Variants in TMEM259 observed in about 807,000 individuals in gnomAD.
TMEM259 encodes transmembrane protein 259, also known as membralin.
A neutral mutation model predicts 46.7 loss-of-function variants in TMEM259; 26 were observed. The observed-to-expected ratio is 0.56, with a 90% CI of 0.41 to 0.77. TMEM259 has a LOEUF of 0.77. Among genes scored for constraint, TMEM259 ranks in the 30% least tolerant of loss-of-function variants. The pLI, the probability that TMEM259 is intolerant of heterozygous loss-of-function variation, is 0.00. For synonymous variants in TMEM259, 494 were observed against 395.1 expected (o/e 1.25, Z -2.97); for missense variants, 930 against 900.5 (o/e 1.03, Z -0.42).
chr19:1,012,566 C>G lies in TMEM259; in HGVS notation c.615G>C (p.Pro205=), dbSNP rs116349199. ...AGTACTCCACGATGTACTCGTCCTG[C>G]GGCCACACTGCAGGGCAGAACCAGG... ...PFPETPTKVW[P]QDEYIVEYSL... is the part of the protein sequence containing the mutation. The change falls in exon 4 of 11, where the codon CCG becomes CCC. Residue 205 remains proline (P), a synonymous_variant. Coordinates refer to ENST00000356663, the MANE Select transcript of TMEM259 (RefSeq NM_001033026.2). The G allele has an allele frequency of 6.3e-7, 1 of 1,581,864 alleles. No homozygotes were observed. Among genetic ancestry groups the G allele is most frequent in the Non-Finnish European group, 8.6e-7 (1 of 1,164,896 alleles).
At chr19:1,019,361 C>G (rs2145616462) in intron 1 of TMEM259, among the ~76,000 whole-genome samples, 1 of 152,370 alleles carries the variant, frequency 6.6e-6, no homozygotes, top group South Asian at 2.1e-4. Flanking sequence ...AAGGAAAACC[C>G]ACGTCCACAG....
intron 1 of TMEM259, among the ~76,000 whole-genome samples, chr19:1,016,097 AGGCTGGCCC>A (rs1223891840): frequency 2.7e-5 from 4 of 150,352 alleles, no homozygotes; most frequent in African/African-American, 9.8e-5. Flanking sequence ...CAGGGGATGA[AGGCTGGCCC>A]GGCGCTGAGA....
At chr19:1,012,653 AG>A in intron 3 of TMEM259, 80 bp from the exon 4 acceptor site, 2 of 1,507,042 alleles carry the variant, frequency 1.3e-6, no homozygotes, top group African/African-American at 1.4e-5. Context: ...GCAGGCGTTG[AG>A]GGGTGGAGGG....
chr19:1,016,532 T>G (rs150622284), intron 1 of TMEM259, among the ~76,000 whole-genome samples: 29 of 152,368 alleles, frequency 1.9e-4, no homozygotes, highest in African/African-American at 7.0e-4. Flanking sequence ...CAATGGACCC[T>G]GTGCCAAGAT....
intron 3 of TMEM259, 115 bp downstream of exon 3, chr19:1,013,126 G>A (rs564859055): frequency 3.0e-5 from 28 of 927,450 alleles, no homozygotes; most frequent in African/African-American, 2.3e-4. Flanking sequence ...TGCCCTCAAC[G>A]GTCCAGGACA....
At position 1,021,035 on chromosome 19, in the gene TMEM259, G is replaced by A; in HGVS notation, c.-39C>T. On this transcript the variant is annotated 5_prime_UTR_variant, in exon 1 of 11. Transcript: ENST00000356663. ...GCGCCCTAACGACCCGCAAGTGTCC[G>A]AGGGCGCCTCCCGGCCGCCATCGGC... 1.5e-6 allele frequency: 2 copies of A among 1,326,650 alleles called. No homozygotes were observed. The highest frequency in any genetic ancestry group is 1.9e-6 in the Non-Finnish European group (2 of 1,028,142). 82.2% of individuals were successfully genotyped at this position (1,326,650 alleles called of 1,614,324 possible).
At chr19:1,016,284 G>A (rs926576413) in intron 1 of TMEM259, among the ~76,000 whole-genome samples, 1 of 152,166 alleles carries the variant, frequency 6.6e-6, no homozygotes, top group Non-Finnish European at 1.5e-5. Flanking sequence ...TGTGGAAGGG[G>A]GGCAGCCCCG....
rs1189869265 is a variant in TMEM259, at chr19:1,011,787, C to T, written c.954G>A (p.Val318=). 1.3e-6 allele frequency: 2 copies of T among 1,573,170 alleles called. No individual in the cohort carries two copies. The highest frequency in any genetic ancestry group is 2.4e-5 in the East Asian group (1 of 42,250). Residue 318 remains valine (V), a synonymous_variant, in exon 7 of 11, where the codon GTG becomes GTA. Coordinates refer to ENST00000356663, the MANE Select transcript of TMEM259 (RefSeq NM_001033026.2). ...GGTGTGAGTACCGCAGCAGCATGGA[C>T]ACGCTCAGCGTCTGCAAGGGGCGCG... The part of the protein sequence containing the change: ...FAIMVIFTLS[V]SMLLRYSHHQ...
In TMEM259 at chr19:1,020,171, C is replaced by G. The variant is rs550233117; in HGVS notation, c.225+601G>C. On this transcript the variant is annotated intron_variant, in intron 1 of 10. Transcript: ENST00000356663. The surrounding 1 kb of genome is among the most constrained non-coding windows in gnomAD (Gnocchi z 4.0). ...TTGCCGCTAACCCTAGCGAGGTGAC[C>G]TCAGCTAAGTCACATTCCCCTGAGG... 7.3e-5 allele frequency among the ~76,000 whole-genome samples: 11 copies of G among 151,594 alleles called. No individual in the cohort carries two copies. The East Asian group carries it at 1.4e-3, about 19-fold the overall frequency.
rs961578826 is a variant in TMEM259 at position 1,010,713 on chromosome 19, G to A, written c.1500C>T (p.Pro500=). Residue 500 remains proline (P), a synonymous_variant, in exon 11 of 11, where the codon CCC becomes CCT. Transcript: ENST00000356663. ...ATAPDSAGQP[P]ALGPVSPGAS... ...CCCCAGGCGAGACGGGGCCCAGGGC[G>A]GGGGGCTGGCCGGCAGAGTCAGGGG... 42 of 1,528,212 alleles carry A rather than the reference G, an allele frequency of 2.7e-5. No individual in the cohort carries two copies. Among genetic ancestry groups the A allele is most frequent in the Non-Finnish European group, 3.1e-5 (36 of 1,143,510 alleles). The allele number at this position is 1,528,212 out of a possible 1,614,324, so 94.7% of individuals were successfully genotyped here.
rs1367871913 is a variant in TMEM259 at position 1,012,663 on chromosome 19, G to A, written c.608-90C>T. The A allele has an allele frequency of 1.5e-5, 22 of 1,489,722 alleles. No homozygotes were observed. The East Asian group carries it at 5.2e-4, about 35-fold the overall frequency. The allele number at this position is 1,489,722 out of a possible 1,614,324, so 92.3% of individuals were successfully genotyped here. ...GCAAGGCAGGCGTTGAGGGGTGGAG[G>A]GTGAGACCTGCTGAGCCCTGGGCCC... On this transcript the variant is annotated intron_variant, in intron 3 of 10. Coordinates refer to ENST00000356663, the MANE Select transcript of TMEM259 (RefSeq NM_001033026.2).
rs770418180 is a variant in TMEM259 at position 1,016,530 on chromosome 19, C to G, written c.226-2057G>C. ...AGCTGTGCCCAGGACAGCAATGGACCCTGTGCCAAGATGTTCCAAAAAGTG... is the reference window on the plus strand; with the variant it reads ...AGCTGTGCCCAGGACAGCAATGGACGCTGTGCCAAGATGTTCCAAAAAGTG... On this transcript the variant is annotated intron_variant, in intron 1 of 10. Transcript: ENST00000356663. Among the ~76,000 whole-genome samples the G allele has an allele frequency of 1.7e-4, 26 of 152,330 alleles. No homozygotes were observed. The Middle Eastern group carries it at 0.01, about 60-fold the overall frequency.
intron 1 of TMEM259, 89 bp from the exon 2 acceptor site, chr19:1,014,562 GCT>G: frequency 1.4e-6 from 2 of 1,380,306 alleles, no homozygotes; most frequent in Admixed American, 2.3e-5. Context: ...GATGGGGCGC[GCT>G]GGGACGCCCA....
At position 1,012,580 on chromosome 19, in the gene TMEM259, G is replaced by A. The variant is rs760093321; in HGVS notation, c.608-7C>T. On this transcript the variant is annotated splice_region_variant and splice_polypyrimidine_tract_variant and intron_variant, in intron 3 of 10. Transcript: ENST00000356663. The stretch of plus-strand genomic sequence containing the variant: ...TACTCGTCCTGCGGCCACACTGCAG[G>A]GCAGAACCAGGGACCAGGTCAGCGC... 9 of 1,569,434 alleles carry A rather than the reference G, an allele frequency of 5.7e-6. No homozygotes were observed. The South Asian group carries it at 1.1e-4, about 18-fold the overall frequency.
At chr19:1,014,958 C>G (rs1268187073) in intron 1 of TMEM259, among the ~76,000 whole-genome samples, 1 of 152,172 alleles carries the variant, frequency 6.6e-6, no homozygotes, top group Non-Finnish European at 1.5e-5. Context: ...ATGGGTGTTG[C>G]CGCCACCCCA....
chr19:1,014,343 G>C lies in TMEM259; in HGVS notation c.356C>G (p.Ser119Trp). 6.2e-7 allele frequency: 1 copy of C among 1,612,974 alleles called. No individual in the cohort carries two copies. Among genetic ancestry groups the C allele is most frequent in the Non-Finnish European group, 8.5e-7 (1 of 1,179,916 alleles). Residue 119 changes from serine to tryptophan, a missense_variant, in exon 2 of 11, where the codon TCG (serine) becomes TGG (tryptophan). Physicochemically the swap from Ser to Trp is radical, Grantham distance 177. Coordinates refer to ENST00000356663, the MANE Select transcript of TMEM259 (RefSeq NM_001033026.2). ...GILRVEVRHN[S>W]SRAPVFLQFC... ...CTGTAGGAAGACGGGCGCGCGGCTC[G>C]AGTTGTGCCGCACTTCCACACGCAG...
chr19:1,019,584 T>C (rs1024826909), intron 1 of TMEM259, among the ~76,000 whole-genome samples: 2 of 152,052 alleles, frequency 1.3e-5, no homozygotes, highest in African/African-American at 2.4e-5. Context: ...TTCCGTGAAG[T>C]GGCAGCAGGC....
rs536143795 is a variant in TMEM259, at chr19:1,010,981, T to C, written c.1318-86A>G. The C allele has an allele frequency of 2.3e-4, 348 of 1,541,976 alleles. 4 individuals carry two copies. In the South Asian group the frequency reaches 3.9e-3, roughly 17 times the overall value. ...CCAGAGGGCAGCCCACCCGGGACCA[T>C]CCACGCTACCTCTGCCCGCTTGGGC... is the stretch of plus-strand genomic sequence containing the variant. On this transcript the variant is annotated intron_variant, in intron 10 of 10. Transcript: ENST00000356663.
intron 1 of TMEM259, among the ~76,000 whole-genome samples, chr19:1,017,664 A>C (rs1487614702): frequency 6.6e-6 from 1 of 151,960 alleles, no homozygotes; most frequent in Non-Finnish European, 1.5e-5. Context: ...CTCTCAGGGC[A>C]CCCCAACACT....
Sources: allele counts gnomAD v4.1 joint callset (sites outside exome capture counted in the v4.1 genomes callset), GRCh38; gene constraint gnomAD v4.1.1; non-coding constraint Gnocchi (gnomAD v3.1); transcripts MANE v1.5; gene names NCBI Gene and HGNC (gene_info 2026-07-23, HGNC 2026-07-21).